The following CADM2 variants were observed in gnomAD, a reference collection of about 807,000 sequenced individuals.
CADM2 encodes the protein cell adhesion molecule 2.
Under a neutral mutation model 49.8 loss-of-function variants are expected in CADM2, and 12 were observed. That is an observed-to-expected ratio of 0.24 (90% CI 0.15 to 0.39). The LOEUF is 0.39. CADM2 is among the 10% of genes least tolerant of loss of function. The pLI, the probability that CADM2 is intolerant of heterozygous loss-of-function variation, is 1.00. For synonymous variants in CADM2, 214 were observed against 175.4 expected, an observed-to-expected ratio of 1.22 and a Z score of -1.74; for missense variants, 378 against 492.3, an observed-to-expected ratio of 0.77 and a Z score of 2.20.
intron 1 of CADM2, among the ~76,000 whole-genome samples, chr3:84,972,168 T>G (rs2031494157): frequency 6.6e-6 from 1 of 152,340 alleles, no homozygotes; most frequent in South Asian, 2.1e-4. Context: ...TGTAGCTTAG[T>G]TTTTTCAGCT....
rs550575066 is a variant in CADM2, at chr3:85,873,439, G to A, written c.239-9852G>A. 1.7e-4 allele frequency among the ~76,000 whole-genome samples: 26 copies of A among 152,242 alleles called. No homozygotes were observed. The South Asian group carries it at 5.4e-3, about 32-fold the overall frequency. ...CCAGCACTTTGGGAAGCCAAGGCAGGCAGATCACTTAAGGTCAGGAATTTA... is the reference window on the plus strand; with the variant it reads ...CCAGCACTTTGGGAAGCCAAGGCAGACAGATCACTTAAGGTCAGGAATTTA... On this transcript the variant is annotated intron_variant, in intron 3 of 9. Transcript: ENST00000383699.
intron 1 of CADM2, among the ~76,000 whole-genome samples, chr3:85,094,826 T>A (rs938967579): frequency 6.6e-5 from 10 of 152,076 alleles, no homozygotes; most frequent in African/African-American, 2.2e-4. Context: ...AACTAATTTA[T>A]CAAATGCACT....
At chr3:85,352,325 G>A (rs2031431034) in intron 1 of CADM2, among the ~76,000 whole-genome samples, 1 of 152,086 alleles carries the variant, frequency 6.6e-6, no homozygotes, top group Non-Finnish European at 1.5e-5. Flanking sequence ...CTTAAAGTAA[G>A]TTGTCAGTCT....
intron 5 of CADM2, among the ~76,000 whole-genome samples, chr3:85,893,005 G>T (rs937906009): frequency 5.9e-5 from 9 of 152,170 alleles, no homozygotes; most frequent in Admixed American, 4.6e-4. Flanking sequence ...TGGTCTCAGA[G>T]GGAGATGAGA....
chr3:85,153,645 C>A (rs1457723377), intron 1 of CADM2, among the ~76,000 whole-genome samples: 3 of 152,122 alleles, frequency 2.0e-5, no homozygotes, highest in Admixed American at 2.0e-4. Context: ...AGGGCACAGA[C>A]AAACAAAAAG....
intron 1 of CADM2, among the ~76,000 whole-genome samples, chr3:85,287,666 A>C (rs534352096): frequency 6.6e-6 from 1 of 152,130 alleles, no homozygotes; most frequent in Non-Finnish European, 1.5e-5. Context: ...GTCATTATTA[A>C]TTATTAGGAA....
At chr3:85,616,584 TATA>T (rs912717383) in intron 1 of CADM2, among the ~76,000 whole-genome samples, 1 of 152,116 alleles carries the variant, frequency 6.6e-6, no homozygotes, top group African/African-American at 2.4e-5. Flanking sequence ...AAGTATAACA[TATA>T]ATAAATGAGA....
chr3:85,734,538 C>T (rs2068054795), intron 2 of CADM2, among the ~76,000 whole-genome samples: 2 of 149,228 alleles, frequency 1.3e-5, no homozygotes, highest in African/African-American at 4.9e-5. Context: ...CACACACATA[C>T]ATATATATAT....
chr3:85,711,007 A>T (rs549923913), intron 1 of CADM2, among the ~76,000 whole-genome samples: 1 of 152,266 alleles, frequency 6.6e-6, no homozygotes, highest in East Asian at 1.9e-4. Context: ...TTACAATTTG[A>T]CTATTTGAAA....
rs111460418 is a variant in CADM2 at position 85,174,336 on chromosome 3, C to T, written c.61+214668C>T. On this transcript the variant is annotated intron_variant, in intron 1 of 9. Transcript: ENST00000383699. ...TTTAAATTGTCAGGTTTGTTATGTCCTTTTGTTTGTTTTTTAATTTGCTTT... is the reference window on the plus strand; with the variant it reads ...TTTAAATTGTCAGGTTTGTTATGTCTTTTTGTTTGTTTTTTAATTTGCTTT... 2.0e-3 allele frequency among the ~76,000 whole-genome samples: 302 copies of T among 151,996 alleles called. 1 individual carries two copies. Among genetic ancestry groups the T allele is most frequent in the African/African-American group, 6.9e-3 (288 of 41,474 alleles).
intron 1 of CADM2, among the ~76,000 whole-genome samples, chr3:85,530,956 C>A (rs1576733290): frequency 6.7e-6 from 1 of 149,922 alleles, no homozygotes; most frequent in Non-Finnish European, 1.5e-5. Context: ...CTTAATATTC[C>A]CAAAACTCAG....
intron 1 of CADM2, among the ~76,000 whole-genome samples, chr3:85,682,148 A>G (rs1295689086): frequency 6.6e-6 from 1 of 152,152 alleles, no homozygotes; most frequent in Non-Finnish European, 1.5e-5. Context: ...GCTAAAAGTC[A>G]TAGTTGGCCT....
intron 2 of CADM2, among the ~76,000 whole-genome samples, chr3:85,790,643 G>A (rs767688943): frequency 5.9e-5 from 9 of 152,178 alleles, no homozygotes; most frequent in Non-Finnish European, 1.2e-4. Context: ...AGAATGGGCT[G>A]CTCACAATGG....
At chr3:85,558,667 C>T (rs1240665568) in intron 1 of CADM2, among the ~76,000 whole-genome samples, 1 of 151,926 alleles carries the variant, frequency 6.6e-6, no homozygotes, top group Admixed American at 6.6e-5. Context: ...GTTTTTATTA[C>T]CTAACTTGAG....
chr3:85,255,999 C>A (rs1035524886), intron 1 of CADM2, among the ~76,000 whole-genome samples: 2 of 151,924 alleles, frequency 1.3e-5, no homozygotes, highest in African/African-American at 2.4e-5. Context: ...GTGAAAGCAC[C>A]TAGACTGTAC....
At chr3:85,879,718 T>C (rs1712455774) in intron 3 of CADM2, among the ~76,000 whole-genome samples, 1 of 152,186 alleles carries the variant, frequency 6.6e-6, no homozygotes, top group Admixed American at 6.5e-5. Context: ...TAGAGAGCTC[T>C]TGTGTACCTT....
chr3:85,641,301 C>A (rs6549047), intron 1 of CADM2, among the ~76,000 whole-genome samples: 107,387 of 151,988 alleles, frequency 0.71, 38,004 homozygotes, highest in East Asian at 0.8. Context: ...TCGTTATATA[C>A]AACTTTTTTA....
At chr3:85,005,784 T>C (rs529763368) in intron 1 of CADM2, among the ~76,000 whole-genome samples, 1 of 152,204 alleles carries the variant, frequency 6.6e-6, no homozygotes, top group African/African-American at 2.4e-5. Context: ...TCTTGTTATT[T>C]TTCTGTCTTT....
At position 85,518,248 on chromosome 3, in the gene CADM2, C is replaced by T. The variant is rs892391033; in HGVS notation, c.62-208274C>T. On this transcript the variant is annotated intron_variant, in intron 1 of 9. Coordinates refer to ENST00000383699, the MANE Select transcript of CADM2 (RefSeq NM_001167675.2). ...TCTAGGGATCCTCCCACCTCAGTCT[C>T]CCAAAGTGCTCGGATTACAGGCATG... Among the ~76,000 whole-genome samples the T allele has an allele frequency of 1.8e-4, 28 of 152,292 alleles. No homozygotes were observed. In the South Asian group the frequency reaches 2.1e-3, roughly 11 times the overall value.
Sources: allele counts gnomAD v4.1 joint callset (sites outside exome capture counted in the v4.1 genomes callset), GRCh38; gene constraint gnomAD v4.1.1; transcripts MANE v1.5; gene names NCBI Gene and HGNC (gene_info 2026-07-23, HGNC 2026-07-21).